The following PTPRD variants were observed in gnomAD, a reference collection of about 807,000 sequenced individuals.
The protein encoded by PTPRD is receptor-type tyrosine-protein phosphatase delta.
Under a neutral mutation model 214.5 loss-of-function variants are expected in PTPRD, and 34 were observed. The observed-to-expected ratio is 0.16, with a 90% CI of 0.12 to 0.21. PTPRD has a LOEUF of 0.21. PTPRD is among the 10% of genes least tolerant of loss of function. The pLI, the probability that PTPRD is intolerant of heterozygous loss-of-function variation, is 1.00. For synonymous variants in PTPRD, 1,128 were observed against 845.7 expected (o/e 1.33, Z -5.79); for missense variants, 2,545 against 2,398.7 (o/e 1.06, Z -1.27).
chr9:10,237,621 T>G (rs2154360451), intron 3 of PTPRD, among the ~76,000 whole-genome samples: 1 of 152,080 alleles, frequency 6.6e-6, no homozygotes, highest in East Asian at 1.9e-4. Context: ...TTAAGTACTA[T>G]AGTGCCTAAG....
At chr9:10,084,813 A>G (rs2098303746) in intron 3 of PTPRD, among the ~76,000 whole-genome samples, 1 of 151,980 alleles carries the variant, frequency 6.6e-6, no homozygotes, top group Non-Finnish European at 1.5e-5. Flanking sequence ...TTAGTTCACA[A>G]GCTGTAGTTT....
chr9:9,331,023 A>T (rs1470662913), intron 9 of PTPRD, among the ~76,000 whole-genome samples: 1 of 152,042 alleles, frequency 6.6e-6, no homozygotes, highest in East Asian at 1.9e-4. Flanking sequence ...CATGGAATAA[A>T]AAATCCTGGG....
chr9:10,495,242 G>A (rs1041543814), intron 2 of PTPRD, among the ~76,000 whole-genome samples: 5 of 151,700 alleles, frequency 3.3e-5, no homozygotes, highest in Non-Finnish European at 7.4e-5. Context: ...AATTAAAGGA[G>A]TGCACTTGGG....
At chr9:9,409,741 T>C (rs978396562) in intron 8 of PTPRD, among the ~76,000 whole-genome samples, 2 of 152,090 alleles carry the variant, frequency 1.3e-5, no homozygotes, top group Non-Finnish European at 2.9e-5. Flanking sequence ...CAAATCCCAG[T>C]AGAGTACCAT....
chr9:9,647,375 G>T (rs1318838011), intron 7 of PTPRD, among the ~76,000 whole-genome samples: 1 of 151,832 alleles, frequency 6.6e-6, no homozygotes, highest in African/African-American at 2.4e-5. Context: ...AGGATAATTT[G>T]TTTTTTTATG....
intron 3 of PTPRD, among the ~76,000 whole-genome samples, chr9:10,071,457 G>C (rs956315087): frequency 3.3e-5 from 5 of 151,690 alleles, no homozygotes; most frequent in African/African-American, 9.7e-5. Context: ...ACAGAGTTCA[G>C]AAATAGACCT....
At chr9:9,247,455 T>C (rs1326681713) in intron 9 of PTPRD, among the ~76,000 whole-genome samples, 1 of 152,140 alleles carries the variant, frequency 6.6e-6, no homozygotes, top group Non-Finnish European at 1.5e-5. Flanking sequence ...ACATTTGTTA[T>C]GCTTTTTTCC....
chr9:9,222,542 G>C (rs190180834), intron 9 of PTPRD, among the ~76,000 whole-genome samples: 1 of 152,064 alleles, frequency 6.6e-6, no homozygotes, highest in African/African-American at 2.4e-5. Flanking sequence ...TTCTAGAAAA[G>C]TGCTTAATAA....
At chr9:9,852,288 G>A (rs933128054) in intron 5 of PTPRD, among the ~76,000 whole-genome samples, 1 of 151,990 alleles carries the variant, frequency 6.6e-6, no homozygotes, top group Non-Finnish European at 1.5e-5. Context: ...TCTAAAATCA[G>A]AATTTTGAAT....
intron 9 of PTPRD, among the ~76,000 whole-genome samples, chr9:9,387,945 T>C (rs1260879731): frequency 6.6e-6 from 1 of 152,160 alleles, no homozygotes; most frequent in Non-Finnish European, 1.5e-5. Context: ...CACCTATAGG[T>C]GGCCTGTGTT....
chr9:10,375,675 G>T (rs1406956363), intron 2 of PTPRD, among the ~76,000 whole-genome samples: 1 of 151,960 alleles, frequency 6.6e-6, no homozygotes, highest in Admixed American at 6.6e-5. Flanking sequence ...AATCCCCAAT[G>T]AATAATTCTG....
At chr9:10,491,543 C>G (rs1206467194) in intron 2 of PTPRD, among the ~76,000 whole-genome samples, 1 of 151,304 alleles carries the variant, frequency 6.6e-6, no homozygotes, top group Non-Finnish European at 1.5e-5. Flanking sequence ...CAAAAAAAAC[C>G]CATTGAAATG....
chr9:9,281,106 A>G (rs1183281200), intron 9 of PTPRD, among the ~76,000 whole-genome samples: 2 of 151,474 alleles, frequency 1.3e-5, no homozygotes, highest in East Asian at 3.9e-4. Context: ...CCATAAATGG[A>G]CTCAAAAGCA....
chr9:10,538,829 A>G (rs2058462426), intron 2 of PTPRD, among the ~76,000 whole-genome samples: 1 of 152,156 alleles, frequency 6.6e-6, no homozygotes, highest in Non-Finnish European at 1.5e-5. Context: ...GAAAACCCTG[A>G]TAAATATCTT....
At chr9:9,166,640 C>A (rs1317819862) in intron 10 of PTPRD, among the ~76,000 whole-genome samples, 4 of 152,164 alleles carry the variant, frequency 2.6e-5, no homozygotes, top group Non-Finnish European at 5.9e-5. Context: ...TGCTTGTAGA[C>A]TACTTAGGCT....
chr9:9,599,165 G>T (rs969603793), intron 7 of PTPRD, among the ~76,000 whole-genome samples: 8 of 151,864 alleles, frequency 5.3e-5, no homozygotes, highest in African/African-American at 1.9e-4. Context: ...TCCAATAAAA[G>T]GTGACATTAT....
At chr9:9,646,404 C>G (rs771157785) in intron 7 of PTPRD, among the ~76,000 whole-genome samples, 13 of 151,146 alleles carry the variant, frequency 8.6e-5, no homozygotes, top group Non-Finnish European at 1.6e-4. Flanking sequence ...TTTTCTAATT[C>G]CATTGTTGAA....
chr9:8,500,583 A>AAAAAAG lies in PTPRD; in HGVS notation c.2128+170_2128+171insCTTTTT, dbSNP rs1368983363. On this transcript the variant is annotated intron_variant, in intron 24 of 45. Coordinates refer to ENST00000381196, the MANE Select transcript of PTPRD (RefSeq NM_002839.4). ...GAAAAAAAAAAAAAAAAAAAAAAAA[A>AAAAAAG]AAAAAAAGGCCAGGCTGTAGCAAAG... Among the ~76,000 whole-genome samples, 178 of 146,410 alleles carry AAAAAAG rather than the reference A, an allele frequency of 1.2e-3. 1 individual carries two copies. The highest frequency in any genetic ancestry group is 2.4e-3 in the African/African-American group (93 of 39,384).
In PTPRD at chr9:8,317,757, C is replaced by G. The variant is rs190535252; in HGVS notation, c.*117G>C. The G allele has an allele frequency of 1.0e-4, 85 of 811,116 alleles. No homozygotes were observed. In the Admixed American group the frequency reaches 1.2e-3, roughly 11 times the overall value. The allele number at this position is 811,116 out of a possible 1,614,324, so 50.2% of individuals were successfully genotyped here. A position where few individuals can be genotyped will look rare whatever the true frequency, so the allele number is the denominator to read the frequency against. On this transcript the variant is annotated 3_prime_UTR_variant, in exon 46 of 46. Coordinates refer to ENST00000381196, the MANE Select transcript of PTPRD (RefSeq NM_002839.4). The stretch of plus-strand genomic sequence containing the variant: ...ATTTGTTTTGTGTGTAATAGTCCCA[C>G]TAAGTAGTTGTTAGCTAGAAGTTAA...
Sources: allele counts gnomAD v4.1 joint callset (sites outside exome capture counted in the v4.1 genomes callset), GRCh38; gene constraint gnomAD v4.1.1; transcripts MANE v1.5; gene names NCBI Gene and HGNC (gene_info 2026-07-23, HGNC 2026-07-21).